The following NEGR1 variants were observed in gnomAD, a reference collection of about 807,000 sequenced individuals.
NEGR1 encodes IgLON family member 4.
A neutral mutation model predicts 40.9 loss-of-function variants in NEGR1; 10 were observed. The ratio of observed to expected loss-of-function variants is 0.24; its 90% CI spans 0.15 to 0.42. The LOEUF is 0.42. NEGR1 is among the 10% of genes least tolerant of loss of function. The probability of loss-of-function intolerance (pLI) is 1.00; values close to 1 mark genes in which losing one functional copy is unlikely to be tolerated. For synonymous variants in NEGR1, 185 were observed against 166.8 expected (o/e 1.11, Z -0.84); for missense variants, 352 against 438.9 (o/e 0.80, Z 1.77).
At chr1:71,941,645 A>C (rs1019515198) in intron 1 of NEGR1, among the ~76,000 whole-genome samples, 1 of 152,124 alleles carries the variant, frequency 6.6e-6, no homozygotes, top group East Asian at 1.9e-4. Flanking sequence ...TCATCCTTAG[A>C]GATGATAAGA....
chr1:72,152,075 C>T (rs1351067713), intron 1 of NEGR1, among the ~76,000 whole-genome samples: 1 of 151,706 alleles, frequency 6.6e-6, no homozygotes, highest in Non-Finnish European at 1.5e-5. Context: ...ATTACACATC[C>T]TACGCAAGCT....
intron 2 of NEGR1, among the ~76,000 whole-genome samples, chr1:71,919,549 G>T (rs767916322): frequency 1.4e-5 from 2 of 144,066 alleles, no homozygotes; most frequent in Non-Finnish European, 3.0e-5. Flanking sequence ...AAAAACTACA[G>T]TTACTCTTTC....
chr1:71,702,813 C>A (rs1294980580), intron 3 of NEGR1, among the ~76,000 whole-genome samples: 1 of 151,372 alleles, frequency 6.6e-6, no homozygotes, highest in Non-Finnish European at 1.5e-5. Flanking sequence ...AACACAGTGA[C>A]CCCCACAATT....
At position 71,899,181 on chromosome 1, in the gene NEGR1, A is replaced by G. The variant is rs570533081; in HGVS notation, c.409+35898T>C. Among the ~76,000 whole-genome samples, 443 of 151,534 alleles carry G rather than the reference A, an allele frequency of 2.9e-3. 3 individuals carry two copies. The highest frequency in any genetic ancestry group is 0.01 in the African/African-American group (425 of 41,250). On this transcript the variant is annotated intron_variant, in intron 2 of 6. Coordinates refer to ENST00000357731, the MANE Select transcript of NEGR1 (RefSeq NM_173808.3). ...TGTCCCCTCCACTGATGCCTGCTAA[A>G]ATGCTGAATGTATTTTTCATTGGTT... is the stretch of plus-strand genomic sequence containing the variant.
chr1:71,962,721 C>A (rs967865021), intron 1 of NEGR1, among the ~76,000 whole-genome samples: 1 of 151,002 alleles, frequency 6.6e-6, no homozygotes, highest in African/African-American at 2.4e-5. Flanking sequence ...TCAAAAAATA[C>A]ACTGTTCAAA....
chr1:71,404,162 A>T lies in NEGR1; in HGVS notation c.*3284T>A, dbSNP rs568635537. The T allele has an allele frequency of 2.4e-3, 356 of 149,906 alleles. 1 individual carries two copies. The highest frequency in any genetic ancestry group is 3.9e-3 in the Non-Finnish European group (275 of 71,406). 9.3% of individuals were successfully genotyped at this position (149,906 alleles called of 1,614,324 possible). ...AATGTAGGGGTATTTATATATATAT[A>T]TATTTTTTTTTTTCCCTGAATTACC... is the stretch of plus-strand genomic sequence containing the variant. On this transcript the variant is annotated 3_prime_UTR_variant, in exon 7 of 7. Coordinates refer to ENST00000357731, the MANE Select transcript of NEGR1 (RefSeq NM_173808.3).
At chr1:72,257,239 G>A (rs984971509) in intron 1 of NEGR1, among the ~76,000 whole-genome samples, 14 of 147,146 alleles carry the variant, frequency 9.5e-5, no homozygotes, top group Admixed American at 6.8e-5. Flanking sequence ...GGAGAATGGC[G>A]TGAACCCGGG....
At chr1:71,596,087 C>T (rs370655113) in intron 5 of NEGR1, among the ~76,000 whole-genome samples, 3 of 149,324 alleles carry the variant, frequency 2.0e-5, no homozygotes, top group Non-Finnish European at 3.0e-5. Flanking sequence ...CTGTAGAGCT[C>T]GGAGTTAAAT....
At chr1:71,632,251 G>T (rs984056329) in intron 4 of NEGR1, among the ~76,000 whole-genome samples, 1 of 151,226 alleles carries the variant, frequency 6.6e-6, no homozygotes, top group Admixed American at 6.6e-5. Context: ...ATGTATGCAC[G>T]TACATATTAT....
intron 6 of NEGR1, among the ~76,000 whole-genome samples, chr1:71,410,189 T>C (rs1473904046): frequency 6.6e-6 from 1 of 152,114 alleles, no homozygotes; most frequent in Non-Finnish European, 1.5e-5. Flanking sequence ...ATATTAGTCC[T>C]GAAATAAACT....
intron 1 of NEGR1, among the ~76,000 whole-genome samples, chr1:72,093,737 C>G (rs1215931093): frequency 6.6e-6 from 1 of 152,004 alleles, no homozygotes; most frequent in Non-Finnish European, 1.5e-5. Flanking sequence ...AACACTTCAG[C>G]TTGATTAGAT....
At chr1:72,192,573 G>C (rs2100431563) in intron 1 of NEGR1, among the ~76,000 whole-genome samples, 1 of 151,836 alleles carries the variant, frequency 6.6e-6, no homozygotes, top group Admixed American at 6.6e-5. Flanking sequence ...CAGTCTAGGA[G>C]GGCATATGCA....
intron 1 of NEGR1, among the ~76,000 whole-genome samples, chr1:72,218,429 C>T (rs2100477324): frequency 1.3e-5 from 2 of 152,030 alleles, no homozygotes; most frequent in Middle Eastern, 6.8e-3. Context: ...ATTTTATGAA[C>T]AACTCACTAT....
intron 6 of NEGR1, among the ~76,000 whole-genome samples, chr1:71,559,523 T>A (rs1418070902): frequency 6.6e-6 from 1 of 151,654 alleles, no homozygotes; most frequent in Non-Finnish European, 1.5e-5. Flanking sequence ...TCTCTTTTTG[T>A]GATGCACATT....
chr1:71,896,638 A>G (rs1243172550), intron 2 of NEGR1, among the ~76,000 whole-genome samples: 1 of 152,184 alleles, frequency 6.6e-6, no homozygotes, highest in African/African-American at 2.4e-5. Flanking sequence ...TCCTGAAGAC[A>G]TACTCCTATG....
chr1:71,702,714 G>A (rs937841367), intron 3 of NEGR1, among the ~76,000 whole-genome samples: 10 of 116,472 alleles, frequency 8.6e-5, no homozygotes, highest in African/African-American at 2.8e-4. Context: ...TAAAGAATGA[G>A]CAAAACTTAT....
chr1:72,005,319 G>A (rs763611989), intron 1 of NEGR1, among the ~76,000 whole-genome samples: 6 of 152,072 alleles, frequency 3.9e-5, no homozygotes, highest in African/African-American at 1.4e-4. Context: ...ATAGTTTAAC[G>A]CCACGCTATA....
intron 4 of NEGR1, among the ~76,000 whole-genome samples, chr1:71,647,257 A>T (rs1421508984): frequency 6.6e-6 from 1 of 151,670 alleles, no homozygotes; most frequent in Non-Finnish European, 1.5e-5. Context: ...CCCCAAATAC[A>T]TTTGGTAGGG....
intron 1 of NEGR1, among the ~76,000 whole-genome samples, chr1:72,203,313 A>G (rs913954030): frequency 6.6e-6 from 1 of 152,084 alleles, no homozygotes; most frequent in Non-Finnish European, 1.5e-5. Context: ...GTTTGGAAGA[A>G]GTTGTCTCCA....
Sources: allele counts gnomAD v4.1 joint callset (sites outside exome capture counted in the v4.1 genomes callset), GRCh38; gene constraint gnomAD v4.1.1; transcripts MANE v1.5; gene names NCBI Gene and HGNC (gene_info 2026-07-23, HGNC 2026-07-21).